Variants in MCTP2 observed in about 807,000 individuals in gnomAD.
MCTP2 encodes multiple C2 and transmembrane domain containing 2.
A neutral mutation model predicts 111.6 loss-of-function variants in MCTP2; 132 were observed. The ratio of observed to expected loss-of-function variants is 1.18; its 90% CI spans 1.03 to 1.37. The LOEUF (loss-of-function observed/expected upper bound fraction) is 1.37, where lower values mean the gene tolerates loss of function less well. Among genes scored for constraint, MCTP2 ranks in the 40% most tolerant of loss-of-function variants. The pLI is 0.00. For synonymous variants in MCTP2, 395 were observed against 387.7 expected (o/e 1.02, Z -0.22); for missense variants, 1,183 against 1,067.9 (o/e 1.11, Z -1.50).
intron 20 of MCTP2, among the ~76,000 whole-genome samples, chr15:94,462,535 T>C (rs775554075): frequency 3.9e-5 from 6 of 152,350 alleles, no homozygotes; most frequent in East Asian, 1.9e-4. Flanking sequence ...GGAAAGAGTC[T>C]AGTAAGGTTT....
At chr15:94,326,896 T>C (rs1219142102) in intron 4 of MCTP2, among the ~76,000 whole-genome samples, 1 of 149,640 alleles carries the variant, frequency 6.7e-6, no homozygotes, top group Non-Finnish European at 1.5e-5. Context: ...CTTTGTTAAT[T>C]TGATAGAAGG....
At chr15:94,258,489 G>A (rs1022762720) in intron 1 of MCTP2, among the ~76,000 whole-genome samples, 1 of 152,154 alleles carries the variant, frequency 6.6e-6, no homozygotes, top group African/African-American at 2.4e-5. Flanking sequence ...AGTGGTGCAT[G>A]CATGGTGTAG....
chr15:94,268,718 A>C (rs991385455), intron 1 of MCTP2, among the ~76,000 whole-genome samples: 1 of 151,300 alleles, frequency 6.6e-6, no homozygotes, highest in African/African-American at 2.4e-5. Flanking sequence ...CTTCTTATGG[A>C]CAGGTTTTGT....
chr15:94,273,743 T>C (rs16948860), intron 1 of MCTP2: 5,753 of 179,022 alleles, frequency 0.032, 362 homozygotes, highest in African/African-American at 0.13. Flanking sequence ...GTATCCATCA[T>C]TTCCCAATGC....
chr15:94,243,249 GCGTATATA>G (rs2071207355), intron 1 of MCTP2, among the ~76,000 whole-genome samples: 1 of 148,534 alleles, frequency 6.7e-6, no homozygotes, highest in Non-Finnish European at 1.5e-5. Context: ...ATGCGTATAT[GCGTATATA>G]CATACATACG....
intron 1 of MCTP2, among the ~76,000 whole-genome samples, chr15:94,285,013 CT>C (rs1178226423): frequency 2.0e-5 from 3 of 152,144 alleles, no homozygotes; most frequent in Non-Finnish European, 4.4e-5. Flanking sequence ...CCACTCTCAG[CT>C]TTGGTAATTC....
intron 4 of MCTP2, among the ~76,000 whole-genome samples, chr15:94,333,390 A>G (rs1023178535): frequency 1.3e-5 from 2 of 152,064 alleles, no homozygotes; most frequent in African/African-American, 4.8e-5. Context: ...CTAGATGGGA[A>G]TATTTTTTCT....
chr15:94,332,889 G>A (rs2077193066), intron 4 of MCTP2, among the ~76,000 whole-genome samples: 1 of 152,102 alleles, frequency 6.6e-6, no homozygotes, highest in African/African-American at 2.4e-5. Flanking sequence ...ATATATATAT[G>A]CACAGACATA....
intron 17 of MCTP2, among the ~76,000 whole-genome samples, chr15:94,424,642 A>C (rs960960464): frequency 2.0e-5 from 3 of 152,180 alleles, no homozygotes; most frequent in Non-Finnish European, 2.9e-5. Context: ...TTCATTAGTT[A>C]ATGCCAACCA....
At chr15:94,395,958 C>G (rs1305390459) in intron 14 of MCTP2, among the ~76,000 whole-genome samples, 2 of 152,084 alleles carry the variant, frequency 1.3e-5, no homozygotes, top group Non-Finnish European at 2.9e-5. Context: ...ATGAAAGTGT[C>G]AATTTTCCTG....
intron 1 of MCTP2, among the ~76,000 whole-genome samples, chr15:94,238,441 T>C (rs1046443710): frequency 2.0e-5 from 3 of 152,146 alleles, no homozygotes; most frequent in Non-Finnish European, 4.4e-5. Flanking sequence ...TTAATTTTTA[T>C]ATAGAATAGA....
At chr15:94,469,692 C>T (rs570924660) in intron 20 of MCTP2, among the ~76,000 whole-genome samples, 18 of 151,834 alleles carry the variant, frequency 1.2e-4, no homozygotes, top group Non-Finnish European at 2.1e-4. Flanking sequence ...GACATAGGGA[C>T]GCCAGAGCTC....
intron 17 of MCTP2, chr15:94,403,028 G>A (rs2081682312): frequency 2.0e-6 from 2 of 991,880 alleles, no homozygotes; most frequent in African/African-American, 1.7e-5. Context: ...GAAGCCAATG[G>A]GTTCAAGGTC....
intron 17 of MCTP2, among the ~76,000 whole-genome samples, chr15:94,428,080 C>G (rs2082981591): frequency 6.6e-6 from 1 of 152,158 alleles, no homozygotes; most frequent in Non-Finnish European, 1.5e-5. Flanking sequence ...CACTGGCATG[C>G]ACATTTACCA....
intron 1 of MCTP2, among the ~76,000 whole-genome samples, chr15:94,284,825 T>TG (rs79305801): frequency 0.16 from 24,975 of 152,164 alleles, 2,657 homozygotes; most frequent in Admixed American, 0.24. Flanking sequence ...CTGAGGTATA[T>TG]GAAAAATAGC....
chr15:94,466,677 C>A (rs1321287391), intron 20 of MCTP2, among the ~76,000 whole-genome samples: 1 of 152,136 alleles, frequency 6.6e-6, no homozygotes, highest in Admixed American at 6.5e-5. Flanking sequence ...CAACAGAAAG[C>A]AGCTCAGAAT....
At chr15:94,255,824 A>T (rs141919175) in intron 1 of MCTP2, among the ~76,000 whole-genome samples, 101 of 152,314 alleles carry the variant, frequency 6.6e-4, no homozygotes, top group African/African-American at 2.3e-3. Context: ...GAATGAAAGA[A>T]ATCATTCAAC....
chr15:94,415,257 T>C (rs2082321289), intron 17 of MCTP2, among the ~76,000 whole-genome samples: 1 of 152,162 alleles, frequency 6.6e-6, no homozygotes, highest in Admixed American at 6.5e-5. Flanking sequence ...TTGTCAATTT[T>C]TGTCTTCTGC....
intron 4 of MCTP2, among the ~76,000 whole-genome samples, chr15:94,334,476 A>G (rs971582846): frequency 6.6e-6 from 1 of 152,232 alleles, no homozygotes; most frequent in African/African-American, 2.4e-5. Flanking sequence ...GGTCCAAATA[A>G]TGTTTTCTAT....
Sources: allele counts gnomAD v4.1 joint callset (sites outside exome capture counted in the v4.1 genomes callset), GRCh38; gene constraint gnomAD v4.1.1; transcripts MANE v1.5; gene names NCBI Gene and HGNC (gene_info 2026-07-23, HGNC 2026-07-21).